MGAT4C: variants seen among roughly 807,000 people sequenced by gnomAD.
The protein encoded by MGAT4C is MGAT4 family member C.
A neutral mutation model predicts 40.1 loss-of-function variants in MGAT4C; 19 were observed. That is an observed-to-expected ratio of 0.47 (90% CI 0.33 to 0.70). MGAT4C has a LOEUF of 0.70. Ranked by LOEUF, MGAT4C falls within the 30% of genes least tolerant of loss-of-function variation. MGAT4C has a pLI of 0.02. For synonymous variants in MGAT4C, 181 were observed against 187.1 expected, an observed-to-expected ratio of 0.97 and a Z score of 0.27; for missense variants, 491 against 563.2, an observed-to-expected ratio of 0.87 and a Z score of 1.30.
At chr12:86,082,734 A>G (rs1871075804) in intron 1 of MGAT4C, among the ~76,000 whole-genome samples, 1 of 152,144 alleles carries the variant, frequency 6.6e-6, no homozygotes, top group South Asian at 2.1e-4. Context: ...TTTATTCATT[A>G]TAAAAATTAG....
At chr12:86,618,498 C>A (rs1593049027) in intron 2 of MGAT4C, among the ~76,000 whole-genome samples, 1 of 151,982 alleles carries the variant, frequency 6.6e-6, no homozygotes, top group East Asian at 1.9e-4. Context: ...TTGGTCATAA[C>A]AGTGAATGAA....
At chr12:86,439,964 G>A (rs1199399907) in intron 2 of MGAT4C, among the ~76,000 whole-genome samples, 2 of 151,332 alleles carry the variant, frequency 1.3e-5, no homozygotes, top group East Asian at 3.9e-4. Flanking sequence ...AACAAGCAGT[G>A]TGATTGAATC....
chr12:86,395,631 G>A (rs547394902), intron 3 of MGAT4C, among the ~76,000 whole-genome samples: 4 of 152,294 alleles, frequency 2.6e-5, no homozygotes, highest in South Asian at 2.1e-4. Flanking sequence ...GTGTGGTACT[G>A]AGCTTTTGTA....
intron 3 of MGAT4C, among the ~76,000 whole-genome samples, chr12:86,396,522 C>T (rs1282522358): frequency 6.6e-6 from 1 of 152,074 alleles, no homozygotes; most frequent in African/African-American, 2.4e-5. Context: ...TCTGGATGCC[C>T]ATCCATCATT....
intron 2 of MGAT4C, among the ~76,000 whole-genome samples, chr12:86,604,280 T>C (rs1961961932): frequency 6.6e-6 from 1 of 152,106 alleles, no homozygotes; most frequent in African/African-American, 2.4e-5. Flanking sequence ...TGATTTTTAT[T>C]TTCTAGGTCT....
At chr12:86,775,623 G>A (rs974807735) in intron 1 of MGAT4C, among the ~76,000 whole-genome samples, 16 of 151,168 alleles carry the variant, frequency 1.1e-4, no homozygotes, top group African/African-American at 3.9e-4. Context: ...ACAGGTAGGA[G>A]GAAGGGGAAC....
At chr12:86,390,332 A>G (rs906428693) in intron 3 of MGAT4C, among the ~76,000 whole-genome samples, 2 of 152,214 alleles carry the variant, frequency 1.3e-5, no homozygotes, top group African/African-American at 4.8e-5. Flanking sequence ...ACCATAGTTA[A>G]GAAACAAATT....
intron 3 of MGAT4C, among the ~76,000 whole-genome samples, chr12:86,382,835 T>C (rs951590133): frequency 6.6e-6 from 1 of 152,180 alleles, no homozygotes; most frequent in African/African-American, 2.4e-5. Flanking sequence ...ACAGAAGTCA[T>C]GAATTGGGGT....
chr12:86,067,215 C>A (rs994469052), intron 1 of MGAT4C, among the ~76,000 whole-genome samples: 2 of 152,088 alleles, frequency 1.3e-5, no homozygotes, highest in African/African-American at 4.8e-5. Flanking sequence ...TGGGTATATA[C>A]CCAAAGTGTT....
chr12:86,060,350 T>C (rs1016410677), intron 1 of MGAT4C, among the ~76,000 whole-genome samples: 12 of 152,224 alleles, frequency 7.9e-5, no homozygotes, highest in Admixed American at 4.6e-4. Context: ...ACAATTGTTT[T>C]ATAAAGAGTT....
Position 86,034,738 on chromosome 12 carries a change from C to T in MGAT4C, c.-7+14936G>A, listed in dbSNP as rs544842481. Reference sequence around the variant, plus strand: ...ATGCTATCCCTACCCTAGCCCCCGACACCCCAACAGGTTCCGGTGTGTGAT... The same window carrying T: ...ATGCTATCCCTACCCTAGCCCCCGATACCCCAACAGGTTCCGGTGTGTGAT... On this transcript the variant is annotated intron_variant, in intron 2 of 4. Transcript: ENST00000611864. Among the ~76,000 whole-genome samples the T allele has an allele frequency of 1.7e-4, 26 of 149,512 alleles. 2 individuals are homozygous for T. The highest frequency in any genetic ancestry group is 1.4e-3 in the Admixed American group (21 of 14,864).
At chr12:86,672,874 C>A (rs757487786) in intron 2 of MGAT4C, among the ~76,000 whole-genome samples, 72 of 151,828 alleles carry the variant, frequency 4.7e-4, no homozygotes, top group Non-Finnish European at 8.2e-4. Flanking sequence ...CGGTAACAAA[C>A]CTATATATGT....
intron 1 of MGAT4C, among the ~76,000 whole-genome samples, chr12:86,091,803 T>A (rs1358285771): frequency 6.6e-6 from 1 of 152,048 alleles, no homozygotes; most frequent in Non-Finnish European, 1.5e-5. Flanking sequence ...ATCTCTGTAT[T>A]AACAGAAGCT....
chr12:86,178,619 C>T (rs891929448), intron 1 of MGAT4C, among the ~76,000 whole-genome samples: 1 of 152,178 alleles, frequency 6.6e-6, no homozygotes, highest in Non-Finnish European at 1.5e-5. Context: ...TCAGAGATTC[C>T]TGCTGATCCC....
In MGAT4C at chr12:85,977,899, T is replaced by C. The variant is rs1443369847; in HGVS notation, c.*1390A>G. 2.0e-5 allele frequency: 3 copies of C among 149,860 alleles called. No homozygotes were observed. Among genetic ancestry groups the C allele is most frequent in the East Asian group, 2.0e-4 (1 of 5,074 alleles). 9.3% of individuals were successfully genotyped at this position (149,860 alleles called of 1,614,324 possible). On this transcript the variant is annotated 3_prime_UTR_variant, in exon 5 of 5. Transcript: ENST00000611864. ...TATATGAAGCACCTTCCATTTCCCT[T>C]TATAATAAATCCCTTAGTTTTTGCT... is the stretch of plus-strand genomic sequence containing the variant.
chr12:86,756,335 C>T (rs1169675614), intron 1 of MGAT4C, among the ~76,000 whole-genome samples: 1 of 152,122 alleles, frequency 6.6e-6, no homozygotes, highest in Non-Finnish European at 1.5e-5. Flanking sequence ...GTCCCGCCTA[C>T]ACAACCTCAT....
At chr12:86,374,628 C>T (rs185808391) in intron 3 of MGAT4C, among the ~76,000 whole-genome samples, 3 of 152,170 alleles carry the variant, frequency 2.0e-5, no homozygotes, top group Non-Finnish European at 4.4e-5. Context: ...AAATTAGGTT[C>T]AGTTAAGCAA....
intron 2 of MGAT4C, among the ~76,000 whole-genome samples, chr12:86,440,300 C>T (rs1202812552): frequency 6.6e-6 from 1 of 152,012 alleles, no homozygotes; most frequent in Non-Finnish European, 1.5e-5. Context: ...GGGTTTCATT[C>T]CAGGGATACA....
chr12:86,587,651 A>C (rs1206684378), intron 2 of MGAT4C, among the ~76,000 whole-genome samples: 1 of 152,014 alleles, frequency 6.6e-6, no homozygotes, highest in Non-Finnish European at 1.5e-5. Context: ...TTCTCCTTGA[A>C]GAGGTCCTTC....
Sources: gnomAD v4.1 joint callset for allele counts (sites outside exome capture counted in the v4.1 genomes callset) on GRCh38, gnomAD v4.1.1 for gene constraint, MANE v1.5 for transcripts, NCBI Gene and HGNC (gene_info 2026-07-23, HGNC 2026-07-21) for gene names.